Variants in HYDIN observed in about 807,000 individuals in gnomAD.
HYDIN encodes the protein axonemal central pair apparatus protein HYDIN.
A neutral mutation model predicts 403.9 loss-of-function variants in HYDIN; 132 were observed. The ratio of observed to expected loss-of-function variants is 0.33; its 90% confidence interval spans 0.28 to 0.38. HYDIN has a LOEUF of 0.38. HYDIN is among the 10% of genes least tolerant of loss of function. The pLI, the probability that HYDIN is intolerant of heterozygous loss-of-function variation, is 1.00. For synonymous variants in HYDIN, 1,202 were observed against 1,891.7 expected (o/e 0.64, Z 9.46); for missense variants, 2,827 against 5,009.5 (o/e 0.56, Z 13.15).
chr16:70,900,476 C>CAA (rs71857692), intron 53 of HYDIN, among the ~76,000 whole-genome samples: 112 of 63,460 alleles, frequency 1.8e-3, no homozygotes, highest in African/African-American at 5.7e-3. Flanking sequence ...GACTCCATCT[C>CAA]AAAAAAAAAA....
chr16:70,882,551 C>A (rs1278799837), intron 60 of HYDIN, 109 bp downstream of exon 60: 1 of 600,962 alleles, frequency 1.7e-6, no homozygotes, highest in Admixed American at 2.9e-5. Context: ...CCAGCAGGGC[C>A]AGATAATTTC....
intron 15 of HYDIN, among the ~76,000 whole-genome samples, chr16:71,065,153 G>T (rs2082220347): frequency 6.6e-6 from 1 of 152,332 alleles, no homozygotes; most frequent in Admixed American, 6.5e-5. Context: ...AGATCCATAG[G>T]GTAGTGAATC....
chr16:70,907,268 A>C, intron 50 of HYDIN, 104 bp downstream of exon 50: 1 of 522,928 alleles, frequency 1.9e-6, no homozygotes, highest in Non-Finnish European at 3.5e-6. Context: ...TAAGAGAGGC[A>C]GCATTAGTAA....
intron 76 of HYDIN, 75 bp downstream of exon 76, chr16:70,839,989 G>A: frequency 9.7e-6 from 8 of 829,002 alleles, no homozygotes; most frequent in Non-Finnish European, 1.5e-5. Context: ...GTCTTGGCAG[G>A]GCTTCACCTG....
chr16:70,920,571 C>G lies in HYDIN; in HGVS notation c.7785+20G>C, dbSNP rs771449201. 1.3e-6 allele frequency: 2 copies of G among 1,579,888 alleles called. No homozygotes were observed. Among genetic ancestry groups the G allele is most frequent in the Non-Finnish European group, 1.7e-6 (2 of 1,159,608 alleles). ...TGCTGCCTGACTTGAGACTTCCCCA[C>G]CCTGGAGGAGAGTCCATACCTGCTC... is the stretch of plus-strand genomic sequence containing the variant. On this transcript the variant is annotated intron_variant, in intron 46 of 85. Transcript: ENST00000393567.
chr16:70,872,280 T>A, intron 64 of HYDIN, 101 bp from the exon 65 acceptor site: 1 of 544,116 alleles, frequency 1.8e-6, no homozygotes, highest in Non-Finnish European at 3.2e-6. Context: ...AGTCCTTCCA[T>A]CCTTGGATGG....
At chr16:71,066,520 C>G (rs2144291441) in intron 15 of HYDIN, 1 of 160,800 alleles carries the variant, frequency 6.2e-6, no homozygotes, top group East Asian at 1.8e-4. Context: ...GTCATTTTCT[C>G]TATTTCCTAT....
At chr16:71,187,951 TA>T (rs1161707261) in intron 1 of HYDIN, among the ~76,000 whole-genome samples, 1 of 152,156 alleles carries the variant, frequency 6.6e-6, no homozygotes, top group Non-Finnish European at 1.5e-5. Flanking sequence ...GGAATGAAAC[TA>T]ATATTGCCCT....
chr16:71,162,250 T>A (rs7187738), intron 6 of HYDIN, among the ~76,000 whole-genome samples: 12,288 of 149,470 alleles, frequency 0.082, 1,742 homozygotes, highest in African/African-American at 0.29. Context: ...ATTTCTATAT[T>A]CTCATGGGCC....
At chr16:70,832,538 AG>A in intron 80 of HYDIN, among the ~76,000 whole-genome samples, 1 of 151,874 alleles carries the variant, frequency 6.6e-6, no homozygotes. Flanking sequence ...GGATATACCA[AG>A]GCCATTTTTT....
Position 70,834,018 on chromosome 16 carries a change from G to A in HYDIN, c.13548C>T (p.Phe4516=). Residue 4516 remains phenylalanine (F), a synonymous_variant, in exon 79 of 86, where the codon TTC becomes TTT. Transcript: ENST00000393567. ...GGGCCTGGCAGCAGCCGCTAAGGAGGAAGAGGGGGCGCAGGAGCCCCATGC... is the reference window on the plus strand; with the variant it reads ...GGGCCTGGCAGCAGCCGCTAAGGAGAAAGAGGGGGCGCAGGAGCCCCATGC... ...MECMGLLRPL[F]LLSGCCQALE... The A allele has an allele frequency of 1.9e-6, 3 of 1,606,818 alleles. No individual in the cohort carries two copies. Among genetic ancestry groups the A allele is most frequent in the African/African-American group, 1.3e-5 (1 of 74,406 alleles).
chr16:71,219,583 C>T (rs1328313297), intron 1 of HYDIN, among the ~76,000 whole-genome samples: 1 of 152,128 alleles, frequency 6.6e-6, no homozygotes, highest in Non-Finnish European at 1.5e-5. Flanking sequence ...AAGCACAGAA[C>T]AATTTTTAAA....
chr16:71,052,308 A>G (rs1245123668), intron 18 of HYDIN, among the ~76,000 whole-genome samples: 1 of 151,942 alleles, frequency 6.6e-6, no homozygotes, highest in Non-Finnish European at 1.5e-5. Flanking sequence ...GATAAATGGG[A>G]TATAACAGAA....
At chr16:71,209,564 G>A (rs934649591) in intron 1 of HYDIN, among the ~76,000 whole-genome samples, 1 of 151,980 alleles carries the variant, frequency 6.6e-6, no homozygotes, top group Middle Eastern at 3.2e-3. Context: ...AGAAATAAAA[G>A]GCATCAAAAT....
intron 62 of HYDIN, among the ~76,000 whole-genome samples, chr16:70,876,108 T>C (rs1869491930): frequency 6.6e-6 from 1 of 151,528 alleles, no homozygotes; most frequent in South Asian, 2.1e-4. Flanking sequence ...AAGGTCAGTC[T>C]CACTTTCTGG....
chr16:70,945,189 G>C (rs1189869446), intron 41 of HYDIN, among the ~76,000 whole-genome samples: 2 of 152,262 alleles, frequency 1.3e-5, no homozygotes, highest in Non-Finnish European at 2.9e-5. Flanking sequence ...GACGAAAATG[G>C]TGGTGGCGAG....
Position 70,872,149 on chromosome 16 carries a change from T to C in HYDIN, c.10979A>G (p.Asp3660Gly), listed in dbSNP as rs1481152715. ...AALVDHIQFG[D>G]CHIGHSYNAS... Reference sequence around the variant, plus strand: ...ATTATAGCTGTGTCCAATGTGGCAGTCCCCAAATTGGATGTGGTCCACCAG... The same window carrying C: ...ATTATAGCTGTGTCCAATGTGGCAGCCCCCAAATTGGATGTGGTCCACCAG... Residue 3660 changes from aspartate to glycine, a missense_variant, in exon 65 of 86, where the codon GAC (aspartate) becomes GGC (glycine). Coordinates refer to ENST00000393567, the MANE Select transcript of HYDIN (RefSeq NM_001270974.2). 1 of 1,514,416 alleles carries C rather than the reference T, an allele frequency of 6.6e-7. No individual in the cohort carries two copies. The highest frequency in any genetic ancestry group is 1.5e-5 in the African/African-American group (1 of 68,560). The allele number at this position is 1,514,416 out of a possible 1,614,324, so 93.8% of individuals were successfully genotyped here.
intron 1 of HYDIN, among the ~76,000 whole-genome samples, chr16:71,228,395 T>C (rs1055023394): frequency 1.3e-5 from 2 of 151,878 alleles, no homozygotes; most frequent in Admixed American, 1.3e-4. Context: ...TGGGAGAAAA[T>C]TTTTGCAATC....
intron 1 of HYDIN, among the ~76,000 whole-genome samples, chr16:71,202,409 G>A (rs1455351125): frequency 1.3e-5 from 2 of 152,062 alleles, no homozygotes; most frequent in African/African-American, 4.8e-5. Context: ...CCTTACTTTG[G>A]ATGCAACCAT....
Sources: allele counts gnomAD v4.1 joint callset (sites outside exome capture counted in the v4.1 genomes callset), GRCh38; gene constraint gnomAD v4.1.1; transcripts MANE v1.5; gene names NCBI Gene and HGNC (gene_info 2026-07-23, HGNC 2026-07-21).